Variants in RANBP3L observed in about 807,000 individuals in gnomAD.
RANBP3L encodes the protein ran-binding protein 3-like.
A neutral mutation model predicts 67.2 loss-of-function variants in RANBP3L; 56 were observed. That is an observed-to-expected ratio of 0.83 (90% CI 0.67 to 1.04). The LOEUF (loss-of-function observed/expected upper bound fraction) is 1.04, where lower values mean the gene tolerates loss of function less well. Ranked by LOEUF, RANBP3L falls within the 50% of genes least tolerant of loss-of-function variation. The pLI, the probability that RANBP3L is intolerant of heterozygous loss-of-function variation, is 0.00. For synonymous variants in RANBP3L, 164 were observed against 181.4 expected (o/e 0.90, Z 0.77); for missense variants, 496 against 535.5 (o/e 0.93, Z 0.73).
chr5:36,248,558 G>A lies in RANBP3L; in HGVS notation c.*1096C>T, dbSNP rs1179015621. 1.3e-5 allele frequency: 2 copies of A among 152,134 alleles called. No homozygotes were observed. The highest frequency in any genetic ancestry group is 4.8e-5 in the African/African-American group (2 of 41,444). The allele number at this position is 152,134 out of a possible 1,614,324, so 9.4% of individuals were successfully genotyped here. ...ATATTGTTCTTCGAAGCATCACTTA[G>A]TGAAATTACGCCCTCATTCCAAATA... On this transcript the variant is annotated 3_prime_UTR_variant, in exon 14 of 14. Transcript: ENST00000296604.
intron 1 of RANBP3L, among the ~76,000 whole-genome samples, chr5:36,299,704 T>C (rs550394022): frequency 6.6e-6 from 1 of 152,224 alleles, no homozygotes; most frequent in Admixed American, 6.5e-5. Context: ...AGTTAAAATA[T>C]TAGAAATAAA....
intron 6 of RANBP3L, among the ~76,000 whole-genome samples, chr5:36,262,445 C>T (rs982390021): frequency 1.9e-4 from 29 of 152,160 alleles, no homozygotes; most frequent in African/African-American, 6.8e-4. Flanking sequence ...CTAAGAATGT[C>T]ACCATCCTAG....
At chr5:36,259,698 T>C (rs1456118959) in intron 8 of RANBP3L, among the ~76,000 whole-genome samples, 1 of 152,202 alleles carries the variant, frequency 6.6e-6, no homozygotes, top group Non-Finnish European at 1.5e-5. Context: ...TTCATGTAAC[T>C]GGTATCCCTG....
rs767115376 is a variant in RANBP3L at position 36,301,442 on chromosome 5, A to G, written c.-26T>C. 6.3e-7 allele frequency: 1 copy of G among 1,579,148 alleles called. No homozygotes were observed. Among genetic ancestry groups the G allele is most frequent in the South Asian group, 1.1e-5 (1 of 90,410 alleles). On this transcript the variant is annotated 5_prime_UTR_variant, in exon 1 of 14. Transcript: ENST00000296604. ...GGTCCTAGCAGTATGGCTGTGACTC[A>G]AGGATCACTAGGGCACCTCCTTCTC...
chr5:36,267,869 A>G (rs1011564583), intron 4 of RANBP3L, among the ~76,000 whole-genome samples: 3 of 152,236 alleles, frequency 2.0e-5, no homozygotes, highest in African/African-American at 7.2e-5. Flanking sequence ...ATTACATTAT[A>G]AACTATGTAG....
At chr5:36,281,469 A>G (rs893033065) in intron 1 of RANBP3L, among the ~76,000 whole-genome samples, 1 of 152,134 alleles carries the variant, frequency 6.6e-6, no homozygotes, top group Admixed American at 6.6e-5. Flanking sequence ...GCTGACTCCA[A>G]ATCTTTTTTC....
At chr5:36,250,632 T>A (rs1369387544) in intron 13 of RANBP3L, among the ~76,000 whole-genome samples, 1 of 152,142 alleles carries the variant, frequency 6.6e-6, no homozygotes, top group Non-Finnish European at 1.5e-5. Context: ...AACGCTTGGA[T>A]GACTTTTATT....
intron 1 of RANBP3L, among the ~76,000 whole-genome samples, chr5:36,289,632 C>A (rs1166686542): frequency 6.6e-6 from 1 of 152,044 alleles, no homozygotes; most frequent in Non-Finnish European, 1.5e-5. Context: ...TCCGTATTTC[C>A]TTTTTATGCT....
chr5:36,261,306 CT>C (rs1749368560), intron 7 of RANBP3L, among the ~76,000 whole-genome samples: 1 of 151,974 alleles, frequency 6.6e-6, no homozygotes, highest in Admixed American at 6.6e-5. Flanking sequence ...CTCCCAGAAA[CT>C]TTTTTTTAAT....
chr5:36,276,701 A>G (rs559361030), intron 1 of RANBP3L, among the ~76,000 whole-genome samples: 42 of 152,262 alleles, frequency 2.8e-4, no homozygotes, highest in Admixed American at 2.4e-3. Flanking sequence ...TCTGACAAAT[A>G]AACCTATTTC....
chr5:36,256,837 G>C, intron 10 of RANBP3L, 104 bp downstream of exon 10: 3 of 1,078,594 alleles, frequency 2.8e-6, no homozygotes, highest in Non-Finnish European at 4.0e-6. Flanking sequence ...TAGTCTCCAT[G>C]AAAACTATAC....
At position 36,286,241 on chromosome 5, in the gene RANBP3L, T is replaced by C. The variant is rs528476679; in HGVS notation, c.92-14930A>G. On this transcript the variant is annotated intron_variant, in intron 1 of 13. Transcript: ENST00000296604. The stretch of plus-strand genomic sequence containing the variant: ...AGCTTACTTTTACTGCATCCCTAAC[T>C]TTTTGTTGGTTATTTCTAGCTCCCC... Among the ~76,000 whole-genome samples the C allele has an allele frequency of 2.0e-5, 3 of 152,282 alleles. No homozygotes were observed. The South Asian group carries it at 6.2e-4, about 32-fold the overall frequency.
At chr5:36,282,149 TCA>T (rs892557701) in intron 1 of RANBP3L, among the ~76,000 whole-genome samples, 68 of 152,232 alleles carry the variant, frequency 4.5e-4, no homozygotes, top group African/African-American at 1.6e-3. Flanking sequence ...CACATATTTT[TCA>T]CTCAGAATAA....
rs1748465312 is a variant in RANBP3L at position 36,249,696 on chromosome 5, A to G, written c.1356T>C (p.Asp452=). The G allele has an allele frequency of 6.5e-7, 1 of 1,529,786 alleles. No homozygotes were observed. 94.8% of individuals were successfully genotyped at this position (1,529,786 alleles called of 1,614,324 possible). A position where few individuals can be genotyped will look rare whatever the true frequency, so the allele number is the denominator to read the frequency against. The change falls in exon 14 of 14, where the codon GAT becomes GAC. Residue 452 remains aspartate, a splice_region_variant and synonymous_variant. Transcript: ENST00000296604. ...ACTGTCTGTGAGTCCAACTAGAAGG[A>G]TCTGTGATATAAATTTAAAATGTTT... ...DFIQVTKNGS[D]PSSWTHRQSV...
chr5:36,256,894 C>T, intron 10 of RANBP3L, 47 bp downstream of exon 10: 2 of 1,539,742 alleles, frequency 1.3e-6, no homozygotes, highest in South Asian at 1.2e-5. Flanking sequence ...TAACTTTATT[C>T]CAAGTATGTA....
In RANBP3L at chr5:36,271,393, T is replaced by G. The variant is rs1205028406; in HGVS notation, c.92-82A>C. On this transcript the variant is annotated intron_variant, in intron 1 of 13. Transcript: ENST00000296604. ...TCATCTAAAAATATTTGAAGACTTT[T>G]TTTTTTGTTTTTTGTTTTCTCTGCA... is the stretch of plus-strand genomic sequence containing the variant. The G allele has an allele frequency of 7.5e-6, 7 of 929,298 alleles. No individual in the cohort carries two copies. In the East Asian group the frequency reaches 1.2e-4, roughly 16 times the overall value. The allele number at this position is 929,298 out of a possible 1,614,324, so 57.6% of individuals were successfully genotyped here.
intron 1 of RANBP3L, among the ~76,000 whole-genome samples, chr5:36,274,680 T>C (rs1750450086): frequency 6.6e-6 from 1 of 152,164 alleles, no homozygotes; most frequent in Non-Finnish European, 1.5e-5. Flanking sequence ...AAATGGGATG[T>C]CGAAGAGGGA....
intron 8 of RANBP3L, among the ~76,000 whole-genome samples, chr5:36,258,164 G>A (rs1476439185): frequency 1.3e-5 from 2 of 152,032 alleles, no homozygotes; most frequent in Admixed American, 6.6e-5. Context: ...CCTCCCAGAC[G>A]ATTTTGCCAA....
intron 6 of RANBP3L, 32 bp downstream of exon 6, chr5:36,264,927 G>GAGGT: frequency 6.3e-7 from 1 of 1,591,506 alleles, no homozygotes; most frequent in Non-Finnish European, 8.5e-7. Context: ...ATGAGGGATT[G>GAGGT]AGGTCAGTTC....
Sources: gnomAD v4.1 joint callset for allele counts (sites outside exome capture counted in the v4.1 genomes callset) on GRCh38, gnomAD v4.1.1 for gene constraint, MANE v1.5 for transcripts, NCBI Gene and HGNC (gene_info 2026-07-23, HGNC 2026-07-21) for gene names.